Variants in ASPM observed in about 807,000 individuals in gnomAD.
ASPM encodes assembly factor for spindle microtubules, also known as abnormal spindle-like microcephaly-associated protein.
Under a neutral mutation model 366.4 loss-of-function variants are expected in ASPM, and 256 were observed. The observed-to-expected ratio is 0.70, with a 90% CI of 0.63 to 0.77. The LOEUF (loss-of-function observed/expected upper bound fraction) is 0.77. Ranked by LOEUF, ASPM falls within the 30% of genes least tolerant of loss-of-function variation. ASPM has a pLI of 0.00. For missense variants in ASPM, 4,146 were observed against 4,090.4 expected (o/e 1.01, Z -0.37); for synonymous variants, 1,414 against 1,342.9 (o/e 1.05, Z -1.16).
rs140646088 is a variant in ASPM at position 197,143,533 on chromosome 1, G to C, written c.719C>G (p.Ser240Cys). ...ECHGATCLPL[S>C]VRRSTTYSSL... The stretch of plus-strand genomic sequence containing the variant: ...TGAGTAGGTAGTAGATCGACGTACA[G>C]AGAGTGGCAAGCAAGTTGCACCATG... Residue 240 changes from serine (S) to cysteine (C), a missense_variant, in exon 3 of 28, where the codon TCT becomes TGT. Transcript: ENST00000367409. 1.5e-5 allele frequency: 25 copies of C among 1,613,810 alleles called. No homozygotes were observed. The African/African-American group carries it at 3.1e-4, about 20-fold the overall frequency.
At chr1:197,141,563 T>TAA (rs1658579073) in intron 3 of ASPM, among the ~76,000 whole-genome samples, 1 of 152,170 alleles carries the variant, frequency 6.6e-6, no homozygotes, top group Admixed American at 6.5e-5. Context: ...TCCTCATTCT[T>TAA]AAACCTTACA....
chr1:197,107,742 A>G (rs1216115461), intron 17 of ASPM, among the ~76,000 whole-genome samples: 2 of 152,136 alleles, frequency 1.3e-5, no homozygotes, highest in African/African-American at 4.8e-5. Flanking sequence ...AAGTGAGAAT[A>G]GTAGAACCGA....
At position 197,093,155 on chromosome 1, in the gene ASPM, C is replaced by T. The variant is rs773062972; in HGVS notation, c.9191G>A (p.Arg3064Gln). ...SAALIIQKYI[R>Q]AREAGKHERI... ...TTCATGCTTTCCAGCCTCCCTGGCT[C>T]GTATATATTTTTGTATGATCAAAGC... Residue 3064 changes from arginine to glutamine, a missense_variant, in exon 21 of 28, where the codon CGA becomes CAA. Arg to Gln is a conservative substitution (Grantham distance 43, BLOSUM62 1). Around this residue, in one of 3 missense-constraint regions of ASPM, gnomAD observed 3,624 missense variants for 3,591.7 expected, o/e 1.01. Coordinates refer to ENST00000367409, the MANE Select transcript of ASPM (RefSeq NM_018136.5). The T allele has an allele frequency of 1.2e-6, 2 of 1,612,268 alleles. No individual in the cohort carries two copies. Among genetic ancestry groups the T allele is most frequent in the South Asian group, 2.2e-5 (2 of 91,042 alleles).
chr1:197,090,745 T>C, intron 23 of ASPM, 105 bp downstream of exon 23: 1 of 1,035,774 alleles, frequency 9.7e-7, no homozygotes, highest in Non-Finnish European at 1.5e-6. Context: ...TACCGGCTAA[T>C]GCGTTAGCTT....
rs148198333 is a variant in ASPM, at chr1:197,128,529, G to T, written c.2897C>A (p.Thr966Lys). The T allele has an allele frequency of 6.2e-7, 1 of 1,613,864 alleles. No individual in the cohort carries two copies. The highest frequency in any genetic ancestry group is 1.1e-5 in the South Asian group (1 of 91,076). ...TPFDEFDFAV[T>K]NLAVDLQCGV... ...ACATTGCAAGTCTACGGCAAGATTTGTAACGGCAAAATCAAATTCATCAAA... is the reference window on the plus strand; with the variant it reads ...ACATTGCAAGTCTACGGCAAGATTTTTAACGGCAAAATCAAATTCATCAAA... Residue 966 changes from threonine to lysine, a missense_variant, in exon 10 of 28, where the codon ACA becomes AAA. Around this residue, in one of 3 missense-constraint regions of ASPM, gnomAD observed 3,624 missense variants for 3,591.7 expected, o/e 1.01. Transcript: ENST00000367409.
intron 10 of ASPM, 42 bp from the exon 11 acceptor site, chr1:197,125,233 G>T (rs375815194): frequency 1.2e-6 from 2 of 1,606,810 alleles, no homozygotes; most frequent in Admixed American, 3.3e-5. Context: ...TCATAAAAAC[G>T]TATATGAAAA....
chr1:197,138,800 A>G (rs914804058), intron 4 of ASPM: 3 of 748,472 alleles, frequency 4.0e-6, no homozygotes, highest in African/African-American at 1.7e-5. Flanking sequence ...CTGAGTCTGC[A>G]GTGCCTCAGA....
At chr1:197,141,720 C>G in intron 3 of ASPM, among the ~76,000 whole-genome samples, 1 of 152,058 alleles carries the variant, frequency 6.6e-6, no homozygotes, top group East Asian at 1.9e-4. Context: ...GGACTGAACG[C>G]AACTTGAGGA....
At chr1:197,141,596 A>T (rs983678135) in intron 3 of ASPM, among the ~76,000 whole-genome samples, 1 of 152,234 alleles carries the variant, frequency 6.6e-6, no homozygotes, top group East Asian at 1.9e-4. Flanking sequence ...TCTCCCTGCA[A>T]CCATTTTCTT....
At chr1:197,117,112 C>G (rs1014365625) in intron 17 of ASPM, among the ~76,000 whole-genome samples, 5 of 151,902 alleles carry the variant, frequency 3.3e-5, no homozygotes, top group Non-Finnish European at 7.4e-5. Flanking sequence ...TTATTTAAGT[C>G]AGAGAACCCT....
intron 13 of ASPM, 32 bp from the exon 14 acceptor site, chr1:197,122,627 G>A (rs756627401): frequency 1.4e-5 from 22 of 1,532,840 alleles, no homozygotes; most frequent in South Asian, 4.7e-5. Flanking sequence ...ACAATTAACC[G>A]CATTTAGAAA....
In ASPM at chr1:197,100,694, G is replaced by A. The variant is rs150424130; in HGVS notation, c.8557C>T (p.Arg2853Trp). Residue 2853 changes from arginine (R) to tryptophan (W), a missense_variant, in exon 18 of 28, where the codon CGG becomes TGG. Around this residue, in one of 3 missense-constraint regions of ASPM, gnomAD observed 3,624 missense variants for 3,591.7 expected, o/e 1.01. Coordinates refer to ENST00000367409, the MANE Select transcript of ASPM (RefSeq NM_018136.5). ...IQFFLQMAVY[R>W]RRFVQQKRAA... The stretch of plus-strand genomic sequence containing the variant: ...CTTTTCTGCTGAACAAATCTTCTCC[G>A]ATACACAGCCATCTGAAGGAAGAAC... The A allele has an allele frequency of 9.4e-5, 152 of 1,612,168 alleles. No individual in the cohort carries two copies. The highest frequency in any genetic ancestry group is 1.2e-4 in the Non-Finnish European group (137 of 1,179,008).
chr1:197,092,086 G>A (rs749904321), intron 21 of ASPM, 30 bp from the exon 22 acceptor site: 3 of 1,608,756 alleles, frequency 1.9e-6, no homozygotes, highest in South Asian at 1.1e-5. Flanking sequence ...GCATATTCAA[G>A]TATCTGCCTC....
intron 13 of ASPM, among the ~76,000 whole-genome samples, chr1:197,123,418 G>T (rs1657978335): frequency 1.3e-5 from 2 of 152,048 alleles, no homozygotes; most frequent in African/African-American, 4.8e-5. Context: ...GCATTAAAAA[G>T]AAATTTTAGC....
At chr1:197,131,304 T>G (rs1349640581) in intron 7 of ASPM, among the ~76,000 whole-genome samples, 1 of 152,120 alleles carries the variant, frequency 6.6e-6, no homozygotes, top group Non-Finnish European at 1.5e-5. Context: ...GTAAGAAACC[T>G]AGAAAAAATG....
intron 12 of ASPM, 91 bp from the exon 13 acceptor site, chr1:197,124,422 G>C: frequency 1.1e-6 from 1 of 943,718 alleles, no homozygotes; most frequent in South Asian, 1.6e-5. Flanking sequence ...CTTCTATTTA[G>C]AGAAACTGTA....
chr1:197,135,510 T>C (rs1658392987), intron 4 of ASPM, among the ~76,000 whole-genome samples: 1 of 152,102 alleles, frequency 6.6e-6, no homozygotes, highest in Admixed American at 6.6e-5. Context: ...ATCTTTTTTA[T>C]AATTGATGCA....
chr1:197,136,118 A>G (rs1344594634), intron 4 of ASPM, among the ~76,000 whole-genome samples: 1 of 152,224 alleles, frequency 6.6e-6, no homozygotes, highest in Non-Finnish European at 1.5e-5. Context: ...AAACCTGTCA[A>G]TTGAGAAACT....
chr1:197,087,554 T>A (rs1211743874), intron 26 of ASPM, among the ~76,000 whole-genome samples: 2 of 152,122 alleles, frequency 1.3e-5, no homozygotes, highest in African/African-American at 4.8e-5. Flanking sequence ...ATAGCAATTA[T>A]AGTCAACACA....
Sources: gnomAD v4.1 joint callset for allele counts (sites outside exome capture counted in the v4.1 genomes callset) on GRCh38, gnomAD v4.1.1 for gene constraint, gnomAD v4.1.1 regional missense constraint, MANE v1.5 for transcripts, NCBI Gene and HGNC (gene_info 2026-07-23, HGNC 2026-07-21) for gene names.